WWTR1: variants seen among roughly 807,000 people sequenced by gnomAD.
WWTR1 encodes WW domain-containing transcription regulator protein 1.
A neutral mutation model predicts 40.1 loss-of-function variants in WWTR1; 13 were observed. That is an observed-to-expected ratio of 0.32 (90% CI 0.21 to 0.52). WWTR1 has a LOEUF of 0.52. Ranked by LOEUF, WWTR1 falls within the 20% of genes least tolerant of loss-of-function variation. The pLI, the probability that WWTR1 is intolerant of heterozygous loss-of-function variation, is 0.97. For missense variants in WWTR1, 436 were observed against 523.1 expected (o/e 0.83, Z 1.63); for synonymous variants, 230 against 210.1 (o/e 1.09, Z -0.82).
chr3:149,690,733 C>T (rs1396533273), intron 1 of WWTR1, among the ~76,000 whole-genome samples: 1 of 152,158 alleles, frequency 6.6e-6, no homozygotes, highest in Non-Finnish European at 1.5e-5. Context: ...AACAAAGAAA[C>T]ATCAGACTTA....
intron 3 of WWTR1, among the ~76,000 whole-genome samples, chr3:149,546,605 T>C (rs1228583843): frequency 6.6e-6 from 1 of 152,246 alleles, no homozygotes; most frequent in Non-Finnish European, 1.5e-5. Flanking sequence ...ATGGGAGATC[T>C]TCCTTTTCCT....
chr3:149,523,251 C>CT (rs151209565), intron 6 of WWTR1, among the ~76,000 whole-genome samples: 438 of 143,924 alleles, frequency 3.0e-3, no homozygotes, highest in South Asian at 5.1e-3. Flanking sequence ...CAAGGCAATT[C>CT]TTTTTTTTTT....
chr3:149,540,038 A>G (rs115437559), intron 4 of WWTR1, among the ~76,000 whole-genome samples: 1,992 of 150,250 alleles, frequency 0.013, 54 homozygotes, highest in African/African-American at 0.046. Context: ...AGGCATCAGA[A>G]CACCAGAACC....
chr3:149,568,540 A>ACC (rs1737452539), intron 3 of WWTR1, among the ~76,000 whole-genome samples: 1 of 142,290 alleles, frequency 7.0e-6, no homozygotes, highest in African/African-American at 2.6e-5. Context: ...AAAAAAAAAA[A>ACC]AAAAAAAAAA....
chr3:149,656,966 C>T lies in WWTR1; in HGVS notation c.341G>A (p.Arg114His). 6.3e-7 allele frequency: 1 copy of T among 1,597,310 alleles called. No individual in the cohort carries two copies. The change falls in exon 2 of 7, where the codon CGC becomes CAC. Residue 114 changes from arginine to histidine, a missense_variant. By Grantham distance (29) the Arg-to-His change is conservative (BLOSUM62 0). Coordinates refer to ENST00000360632, the MANE Select transcript of WWTR1 (RefSeq NM_015472.6). Reference sequence around the variant, plus strand: ...GTCGGTCACGTCGTAGGACTGCTGGCGGAGGTGCGCGTGCTGCTGCGCGGG... The same window carrying T: ...GTCGGTCACGTCGTAGGACTGCTGGTGGAGGTGCGCGTGCTGCTGCGCGGG... ...GSPAQQHAHL[R>H]QQSYDVTDEL... is the part of the protein sequence containing the mutation.
intron 1 of WWTR1, among the ~76,000 whole-genome samples, chr3:149,684,644 G>A (rs577415449): frequency 6.6e-6 from 1 of 151,948 alleles, no homozygotes; most frequent in Admixed American, 6.6e-5. Flanking sequence ...GCTCACTGCA[G>A]GCCCAACCTC....
rs1301813436 is a variant in WWTR1, at chr3:149,651,180, T to C, written c.431+5696A>G. 2.0e-5 allele frequency among the ~76,000 whole-genome samples: 3 copies of C among 151,060 alleles called. No homozygotes were observed. In the East Asian group the frequency reaches 5.8e-4, roughly 29 times the overall value. On this transcript the variant is annotated intron_variant, in intron 2 of 6. Transcript: ENST00000360632. ...TGAAAACAGCTACATTATACTGTCA[T>C]TCAAAGATAAACAGAAAAAACAAGC...
intron 2 of WWTR1, among the ~76,000 whole-genome samples, chr3:149,610,362 A>G (rs16862028): frequency 0.033 from 4,992 of 152,276 alleles, 271 homozygotes; most frequent in African/African-American, 0.11. Context: ...GTAACAAATA[A>G]ACTAAGAAAA....
chr3:149,523,287 T>C (rs1474471656), intron 6 of WWTR1, among the ~76,000 whole-genome samples: 2 of 151,606 alleles, frequency 1.3e-5, no homozygotes, highest in African/African-American at 4.9e-5. Context: ...TCGCTCTTGC[T>C]GCCCAAGCTA....
rs1374684182 is a variant in WWTR1, at chr3:149,527,983, G to A, written c.772-14C>T. On this transcript the variant is annotated splice_polypyrimidine_tract_variant and intron_variant, in intron 4 of 6. Coordinates refer to ENST00000360632, the MANE Select transcript of WWTR1 (RefSeq NM_015472.6). ...GAGGGCAGCTTCCTACAGTCAGAAT[G>A]GGAAGCAAGAGTCATGCACTCATTG... 4 of 1,612,228 alleles carry A rather than the reference G, an allele frequency of 2.5e-6. No individual in the cohort carries two copies. The highest frequency in any genetic ancestry group is 2.7e-5 in the African/African-American group (2 of 74,812).
intron 4 of WWTR1, among the ~76,000 whole-genome samples, chr3:149,535,322 G>A (rs1735776692): frequency 6.6e-6 from 1 of 151,982 alleles, no homozygotes; most frequent in Non-Finnish European, 1.5e-5. Context: ...AAAACCCTGA[G>A]GGACTTCAGA....
intron 1 of WWTR1, among the ~76,000 whole-genome samples, chr3:149,699,876 C>T (rs913096343): frequency 6.6e-6 from 1 of 152,204 alleles, no homozygotes; most frequent in Non-Finnish European, 1.5e-5. Context: ...TGACCCAGTT[C>T]CAAAGCCATT....
At chr3:149,661,384 T>A (rs1713566329), upstream of WWTR1, 1 of 152,124 alleles carries the variant, frequency 6.6e-6, no homozygotes, top group African/African-American at 2.4e-5. Flanking sequence ...GTTTTTTAAA[T>A]GTAGAATGTG....
intron 3 of WWTR1, among the ~76,000 whole-genome samples, chr3:149,562,610 C>G (rs1172695262): frequency 8.2e-6 from 1 of 121,938 alleles, no homozygotes; most frequent in Non-Finnish European, 1.7e-5. Context: ...GACACACACA[C>G]ACACACACAC....
At chr3:149,655,873 T>C (rs1013468315) in intron 2 of WWTR1, among the ~76,000 whole-genome samples, 1 of 152,214 alleles carries the variant, frequency 6.6e-6, no homozygotes, top group Non-Finnish European at 1.5e-5. Flanking sequence ...CTAAGGCTAC[T>C]CTACTAAAGA....
intron 1 of WWTR1, among the ~76,000 whole-genome samples, chr3:149,678,245 T>C (rs1484164528): frequency 2.6e-5 from 4 of 152,198 alleles, no homozygotes; most frequent in African/African-American, 9.6e-5. Flanking sequence ...ACAGTGATTA[T>C]AATTACTGTG....
chr3:149,609,341 C>T (rs925479773), intron 2 of WWTR1, among the ~76,000 whole-genome samples: 12 of 152,162 alleles, frequency 7.9e-5, no homozygotes, highest in African/African-American at 2.9e-4. Flanking sequence ...CACTACACCT[C>T]CCCACCTAAG....
intron 1 of WWTR1, among the ~76,000 whole-genome samples, chr3:149,673,511 T>A (rs1305980097): frequency 6.6e-6 from 1 of 152,186 alleles, no homozygotes; most frequent in Non-Finnish European, 1.5e-5. Context: ...TGAATGACAC[T>A]CGGAAAGGCA....
intron 2 of WWTR1, among the ~76,000 whole-genome samples, chr3:149,584,542 G>A (rs1384102774): frequency 6.6e-6 from 1 of 152,134 alleles, no homozygotes; most frequent in African/African-American, 2.4e-5. Flanking sequence ...ATTATTTGGA[G>A]GATCAAAGAC....
Sources: gnomAD v4.1 joint callset for allele counts (sites outside exome capture counted in the v4.1 genomes callset) on GRCh38, gnomAD v4.1.1 for gene constraint, MANE v1.5 for transcripts, NCBI Gene and HGNC (gene_info 2026-07-23, HGNC 2026-07-21) for gene names.